Variants in CAMTA1 observed in about 807,000 individuals in gnomAD.
CAMTA1 encodes the protein calmodulin binding transcription activator 1.
A neutral mutation model predicts 170.9 loss-of-function variants in CAMTA1; 27 were observed. The ratio of observed to expected loss-of-function variants is 0.16; its 90% CI spans 0.12 to 0.22. CAMTA1 has a LOEUF of 0.22. Ranked by LOEUF, CAMTA1 falls within the 10% of genes least tolerant of loss-of-function variation. The pLI is 1.00. For missense variants in CAMTA1, 1,619 were observed against 2,217.2 expected (o/e 0.73, Z 5.42); for synonymous variants, 833 against 891.5 (o/e 0.93, Z 1.17).
intron 3 of CAMTA1, among the ~76,000 whole-genome samples, chr1:6,929,482 G>A (rs1026894638): frequency 2.0e-5 from 3 of 152,254 alleles, no homozygotes; most frequent in Non-Finnish European, 2.9e-5. Flanking sequence ...CCTGCCTCAA[G>A]CCTCCCGAGT....
intron 5 of CAMTA1, among the ~76,000 whole-genome samples, chr1:7,452,491 A>G (rs956782106): frequency 3.9e-5 from 6 of 152,284 alleles, no homozygotes; most frequent in African/African-American, 1.2e-4. Flanking sequence ...CATCACCCCA[A>G]AGGGAAACTC....
Position 6,812,692 on chromosome 1 carries a change from G to A in CAMTA1, c.46-7489G>A, listed in dbSNP as rs1439949860. 2.6e-5 allele frequency among the ~76,000 whole-genome samples: 4 copies of A among 152,160 alleles called. No individual in the cohort carries two copies. The South Asian group carries it at 8.3e-4, about 32-fold the overall frequency. ...TTTATGAAAATTCTAATGATACTGT[G>A]ATTCATATCTAGAAAGAATAATTTA... On this transcript the variant is annotated intron_variant, in intron 1 of 22. Transcript: ENST00000303635.
Position 7,665,051 on chromosome 1 carries a change from G to A in CAMTA1, c.2504G>A (p.Ser835Asn). The A allele has an allele frequency of 1.3e-6, 2 of 1,576,488 alleles. No individual in the cohort carries two copies. Among genetic ancestry groups the A allele is most frequent in the African/African-American group, 1.3e-5 (1 of 74,298 alleles). The change falls in exon 9 of 23, where the codon AGC (serine) becomes AAC (asparagine). Residue 835 changes from serine to asparagine, a missense_variant. Coordinates refer to ENST00000303635, the MANE Select transcript of CAMTA1 (RefSeq NM_015215.4). This position sits in a 1 kb window ranked among gnomAD's most constrained non-coding sequence, Gnocchi z 4.3. ...SPQQGSLQLS[S>N]SEGGASTMAY... ...CAGCAGGGTAGCCTGCAGCTGAGCA[G>A]CTCGGAGGGCGGGGCCAGCACCATG...
At chr1:7,012,774 G>C (rs563420472) in intron 3 of CAMTA1, among the ~76,000 whole-genome samples, 11 of 152,170 alleles carry the variant, frequency 7.2e-5, no homozygotes, top group African/African-American at 2.6e-4. Context: ...TTGCTCCTGG[G>C]CTCTGTCCTT....
chr1:7,327,099 A>C (rs944917350), intron 5 of CAMTA1, among the ~76,000 whole-genome samples: 1 of 152,104 alleles, frequency 6.6e-6, no homozygotes, highest in South Asian at 2.1e-4. Context: ...CGGGGGGGAA[A>C]GTCTGTTGGA....
intron 6 of CAMTA1, among the ~76,000 whole-genome samples, chr1:7,629,226 G>A (rs1316898231): frequency 1.3e-5 from 2 of 152,212 alleles, no homozygotes; most frequent in East Asian, 3.9e-4. Flanking sequence ...TCCCTGGCAA[G>A]AGAGAGAAGG....
rs2095691815 is a variant in CAMTA1, at chr1:7,634,117, GC to G, written c.511-6282del. Reference sequence around the variant, plus strand: ...CGTCCGGAACAGCCCAACCACGCCTGCTGCTGTTTGAAGGGTGGGTTGGGGA... The same window carrying G: ...CGTCCGGAACAGCCCAACCACGCCTGTGCTGTTTGAAGGGTGGGTTGGGGA... On this transcript the variant is annotated intron_variant, in intron 6 of 22. Coordinates refer to ENST00000303635, the MANE Select transcript of CAMTA1 (RefSeq NM_015215.4). This position sits in a 1 kb window ranked among gnomAD's most constrained non-coding sequence, Gnocchi z 6.2. 6.6e-6 allele frequency among the ~76,000 whole-genome samples: 1 copy of G among 152,216 alleles called. No individual in the cohort carries two copies. Among genetic ancestry groups the G allele is most frequent in the African/African-American group, 2.4e-5 (1 of 41,460 alleles).
intron 3 of CAMTA1, among the ~76,000 whole-genome samples, chr1:7,022,159 C>G (rs1008471472): frequency 1.3e-5 from 2 of 152,198 alleles, no homozygotes; most frequent in Non-Finnish European, 2.9e-5. Flanking sequence ...AGCACTTACC[C>G]TTGAGATTTA....
At chr1:6,944,387 T>C (rs1423777395) in intron 3 of CAMTA1, among the ~76,000 whole-genome samples, 2 of 152,106 alleles carry the variant, frequency 1.3e-5, no homozygotes, top group African/African-American at 2.4e-5. Context: ...ACCCGGGCCT[T>C]CCTGTTCTCT....
intron 6 of CAMTA1, among the ~76,000 whole-genome samples, chr1:7,480,219 AC>A (rs1231921788): frequency 4.6e-5 from 3 of 64,730 alleles, no homozygotes; most frequent in African/African-American, 2.3e-4. Context: ...GCATGTGTGT[AC>A]GTGTGTGTGA....
intron 3 of CAMTA1, among the ~76,000 whole-genome samples, chr1:6,857,363 T>C (rs1307641754): frequency 6.6e-6 from 1 of 152,224 alleles, no homozygotes; most frequent in African/African-American, 2.4e-5. Flanking sequence ...TGTGATGCCA[T>C]TTTCTGTGTA....
Position 7,663,891 on chromosome 1 carries a change from C to A in CAMTA1, c.1344C>A (p.Gly448=). Residue 448 remains glycine, a synonymous_variant, in exon 9 of 23, where the codon GGC becomes GGA. Coordinates refer to ENST00000303635, the MANE Select transcript of CAMTA1 (RefSeq NM_015215.4). ...ACAAGTTCGCCTTTCCCACCACGGG[C>A]AGCTCGGAGAGCCTGTCCATGCTGC... ...DGHKFAFPTT[G]SSESLSMLPT... 1 of 1,613,976 alleles carries A rather than the reference C, an allele frequency of 6.2e-7. No homozygotes were observed.
At chr1:6,811,307 T>C (rs1201970255) in intron 1 of CAMTA1, among the ~76,000 whole-genome samples, 1 of 152,230 alleles carries the variant, frequency 6.6e-6, no homozygotes, top group Non-Finnish European at 1.5e-5. Context: ...CTATGTTAAG[T>C]AGAACCCATG....
chr1:7,497,992 T>C (rs2093858693), intron 6 of CAMTA1, among the ~76,000 whole-genome samples: 1 of 151,780 alleles, frequency 6.6e-6, no homozygotes, highest in Non-Finnish European at 1.5e-5. Context: ...GTGCTCCCTG[T>C]GGGAGTCTCT....
chr1:7,040,829 G>A (rs746115122), intron 3 of CAMTA1, among the ~76,000 whole-genome samples: 6 of 151,052 alleles, frequency 4.0e-5, no homozygotes, highest in Admixed American at 6.6e-5. Flanking sequence ...TGGTTGAAGC[G>A]ATTCCCCTGC....
chr1:7,658,383 G>T (rs1482037453), intron 7 of CAMTA1, among the ~76,000 whole-genome samples: 3 of 152,084 alleles, frequency 2.0e-5, no homozygotes, highest in African/African-American at 7.2e-5. Flanking sequence ...CATCCTAACG[G>T]CACGTGAGGA....
At chr1:7,659,887 C>A (rs1267488683) in intron 7 of CAMTA1, among the ~76,000 whole-genome samples, 1 of 152,202 alleles carries the variant, frequency 6.6e-6, no homozygotes, top group Non-Finnish European at 1.5e-5. Flanking sequence ...GCAGGAACTA[C>A]TATATGCCCA....
At chr1:6,963,844 G>A (rs1691008852) in intron 3 of CAMTA1, among the ~76,000 whole-genome samples, 1 of 152,214 alleles carries the variant, frequency 6.6e-6, no homozygotes, top group Admixed American at 6.5e-5. Flanking sequence ...CCTAACAATG[G>A]GAAAGGGCCA....
chr1:7,413,131 C>T (rs2090913759), intron 5 of CAMTA1, among the ~76,000 whole-genome samples: 1 of 151,760 alleles, frequency 6.6e-6, no homozygotes, highest in African/African-American at 2.4e-5. Context: ...GTTTTGGTAC[C>T]AGTACCATGC....
Sources: gnomAD v4.1 joint callset for allele counts (sites outside exome capture counted in the v4.1 genomes callset) on GRCh38, gnomAD v4.1.1 for gene constraint, Gnocchi (gnomAD v3.1) non-coding constraint, MANE v1.5 for transcripts, NCBI Gene and HGNC (gene_info 2026-07-23, HGNC 2026-07-21) for gene names.